TMEM117: variants seen among roughly 807,000 people sequenced by gnomAD.
TMEM117 encodes transmembrane protein 117.
A neutral mutation model predicts 52.4 loss-of-function variants in TMEM117; 27 were observed. The ratio of observed to expected loss-of-function variants is 0.51; its 90% CI spans 0.38 to 0.71. The LOEUF (loss-of-function observed/expected upper bound fraction) is 0.71. Among genes scored for constraint, TMEM117 ranks in the 30% least tolerant of loss-of-function variants. TMEM117 has a pLI of 0.00. For synonymous variants in TMEM117, 215 were observed against 206.3 expected (o/e 1.04, Z -0.36); for missense variants, 556 against 630.5 (o/e 0.88, Z 1.26).
intron 3 of TMEM117, among the ~76,000 whole-genome samples, chr12:44,031,527 T>C (rs1397487219): frequency 6.6e-6 from 1 of 152,200 alleles, no homozygotes; most frequent in African/African-American, 2.4e-5. Flanking sequence ...AGCTGAAATG[T>C]TCATGAATAT....
At chr12:44,023,768 A>G (rs1946489623) in intron 3 of TMEM117, among the ~76,000 whole-genome samples, 1 of 138,668 alleles carries the variant, frequency 7.2e-6, no homozygotes, top group Non-Finnish European at 1.5e-5. Context: ...TACAATGAGA[A>G]CACATGGACA....
chr12:44,115,144 C>G (rs757285831), intron 3 of TMEM117, among the ~76,000 whole-genome samples: 56 of 152,200 alleles, frequency 3.7e-4, no homozygotes, highest in Admixed American at 6.5e-4. Context: ...AAATCCTCTA[C>G]TCTATTGAAT....
intron 6 of TMEM117, among the ~76,000 whole-genome samples, chr12:44,336,529 A>G (rs1428183686): frequency 6.6e-6 from 1 of 151,962 alleles, no homozygotes; most frequent in Non-Finnish European, 1.5e-5. Flanking sequence ...AGGAAAATGG[A>G]AAGCAAGCTT....
intron 2 of TMEM117, among the ~76,000 whole-genome samples, chr12:43,942,346 A>C (rs1174865275): frequency 1.3e-5 from 2 of 152,198 alleles, no homozygotes; most frequent in Non-Finnish European, 2.9e-5. Context: ...ACTCTCAAGC[A>C]TTCTGTGGTT....
intron 3 of TMEM117, among the ~76,000 whole-genome samples, chr12:44,059,497 C>G (rs1329288148): frequency 1.3e-5 from 2 of 152,076 alleles, no homozygotes; most frequent in Non-Finnish European, 2.9e-5. Flanking sequence ...TAATCTCACT[C>G]TTTCATTTTG....
At position 44,179,021 on chromosome 12, in the gene TMEM117, C is replaced by A. The variant is rs539799280; in HGVS notation, c.511-32269C>A. Reference sequence around the variant, plus strand: ...CCAGCCTGGCCAAAATGGGAAAACCCCATCTTTACTAAAAGTACAAAAATT... The same window carrying A: ...CCAGCCTGGCCAAAATGGGAAAACCACATCTTTACTAAAAGTACAAAAATT... On this transcript the variant is annotated intron_variant, in intron 4 of 7. Transcript: ENST00000266534. 3.3e-5 allele frequency among the ~76,000 whole-genome samples: 5 copies of A among 152,142 alleles called. 1 individual carries two copies. The South Asian group carries it at 1.0e-3, about 32-fold the overall frequency.
At chr12:44,310,688 T>G (rs953258639) in intron 6 of TMEM117, among the ~76,000 whole-genome samples, 1 of 152,214 alleles carries the variant, frequency 6.6e-6, no homozygotes, top group African/African-American at 2.4e-5. Flanking sequence ...ATGTGAGTTC[T>G]CTGGATCAGA....
chr12:43,859,034 G>A (rs775034586), intron 2 of TMEM117, among the ~76,000 whole-genome samples: 1 of 152,158 alleles, frequency 6.6e-6, no homozygotes. Flanking sequence ...AGAAATAGGA[G>A]TTTGTGGGAA....
At chr12:44,226,480 A>C (rs1949861595) in intron 5 of TMEM117, among the ~76,000 whole-genome samples, 1 of 147,780 alleles carries the variant, frequency 6.8e-6, no homozygotes, top group Admixed American at 6.8e-5. Context: ...ATCCCAATAA[A>C]CTATAAATAT....
chr12:44,360,516 G>T (rs1345270518), intron 6 of TMEM117, among the ~76,000 whole-genome samples: 1 of 150,126 alleles, frequency 6.7e-6, no homozygotes, highest in East Asian at 2.0e-4. Context: ...GCAGTGAGTC[G>T]AGATCACACC....
intron 6 of TMEM117, among the ~76,000 whole-genome samples, chr12:44,307,027 G>C (rs1214776110): frequency 6.6e-6 from 1 of 152,212 alleles, no homozygotes; most frequent in African/African-American, 2.4e-5. Context: ...CAGATTTGAA[G>C]TGTGTTTGTA....
intron 3 of TMEM117, among the ~76,000 whole-genome samples, chr12:44,041,016 TAC>T (rs1413830684): frequency 1.2e-4 from 19 of 152,198 alleles, no homozygotes; most frequent in Middle Eastern, 3.4e-3. Context: ...AAAAAAGAAA[TAC>T]ATGTGAACAA....
chr12:43,946,848 T>C (rs907541972), intron 3 of TMEM117, among the ~76,000 whole-genome samples: 2 of 152,208 alleles, frequency 1.3e-5, no homozygotes, highest in Non-Finnish European at 2.9e-5. Flanking sequence ...ATGTGTAGCC[T>C]AACTAAAATT....
chr12:44,396,487 T>A, the TMEM117 span, among the ~76,000 whole-genome samples: 3 of 152,072 alleles, frequency 2.0e-5, no homozygotes, highest in African/African-American at 7.2e-5. Flanking sequence ...GAGGAATTAA[T>A]TAGCTTTATA....
At chr12:43,864,066 C>T (rs1009190501) in intron 2 of TMEM117, among the ~76,000 whole-genome samples, 2 of 152,184 alleles carry the variant, frequency 1.3e-5, no homozygotes, top group African/African-American at 2.4e-5. Context: ...GCGCTGGGTC[C>T]CCCAGCAGTG....
At chr12:44,090,697 C>T (rs1325774228) in intron 3 of TMEM117, among the ~76,000 whole-genome samples, 2 of 152,016 alleles carry the variant, frequency 1.3e-5, no homozygotes, top group Admixed American at 6.6e-5. Context: ...GCCTCAGCCT[C>T]CCAAAGTGCT....
At chr12:44,193,560 A>G (rs1190881426) in intron 4 of TMEM117, among the ~76,000 whole-genome samples, 1 of 152,222 alleles carries the variant, frequency 6.6e-6, no homozygotes, top group East Asian at 1.9e-4. Context: ...AGCAACTGAT[A>G]TAAGGCCAGG....
intron 6 of TMEM117, among the ~76,000 whole-genome samples, chr12:44,308,781 G>T (rs534535776): frequency 2.1e-3 from 315 of 152,146 alleles, no homozygotes; most frequent in Non-Finnish European, 4.0e-3. Flanking sequence ...CACCGCGCCC[G>T]GCTAATTTTT....
chr12:43,795,874 A>G, the TMEM117 span: 1 of 907,264 alleles, frequency 1.1e-6, no homozygotes, highest in Non-Finnish European at 1.6e-6. Context: ...ATCAAGGACC[A>G]TATGTAAACA....
Sources: gnomAD v4.1 joint callset for allele counts (sites outside exome capture counted in the v4.1 genomes callset) on GRCh38, gnomAD v4.1.1 for gene constraint, MANE v1.5 for transcripts, NCBI Gene and HGNC (gene_info 2026-07-23, HGNC 2026-07-21) for gene names.